ZNF226: variants seen among roughly 807,000 people sequenced by gnomAD.
The protein encoded by ZNF226 is Kruppel-associated box protein.
Under a neutral mutation model 11.4 loss-of-function variants are expected in ZNF226, and 6 were observed. The ratio of observed to expected loss-of-function variants is 0.53; its 90% CI spans 0.29 to 1.04. The LOEUF is 1.04. Ranked by LOEUF, ZNF226 falls within the 50% of genes least tolerant of loss-of-function variation. The pLI is 0.08. For synonymous variants in ZNF226, 350 were observed against 322.8 expected, an observed-to-expected ratio of 1.08 and a Z score of -0.90; for missense variants, 1,058 against 956.5, an observed-to-expected ratio of 1.11 and a Z score of -1.40.
downstream of ZNF226, among the ~76,000 whole-genome samples, chr19:44,182,362 CACACACACACAA>C (rs1304552948): frequency 6.6e-6 from 1 of 152,076 alleles, no homozygotes; most frequent in Non-Finnish European, 1.5e-5. Context: ...TGCATACACA[CACACACACACAA>C]ACACACACAC....
Position 44,176,093 on chromosome 19 carries a change from G to C in ZNF226, c.831G>C (p.Glu277Asp). The C allele has an allele frequency of 6.2e-7, 1 of 1,614,170 alleles. No individual in the cohort carries two copies. The highest frequency in any genetic ancestry group is 8.5e-7 in the Non-Finnish European group (1 of 1,180,032). The change falls in exon 6 of 6, where the codon GAG (glutamate) becomes GAC (aspartate). Residue 277 changes from glutamate to aspartate, a missense_variant. Transcript: ENST00000337433. ...TTCATCAGCAGTTACAATCAGGAGA[G>C]AAGTCTCTTACATGTGTTGAGCGTG... The part of the protein sequence containing the change: ...FDLHQQLQSG[E>D]KSLTCVERGK...
chr19:44,194,507 G>T, the ZNF226 span, among the ~76,000 whole-genome samples: 1 of 152,092 alleles, frequency 6.6e-6, no homozygotes, highest in Non-Finnish European at 1.5e-5. Flanking sequence ...TGGAAGTCCT[G>T]GTTTCATGTA....
downstream of ZNF226, among the ~76,000 whole-genome samples, chr19:44,179,165 G>A (rs1005289209): frequency 6.6e-6 from 1 of 152,120 alleles, no homozygotes; most frequent in Non-Finnish European, 1.5e-5. Flanking sequence ...GGGCGATAGA[G>A]TGAGACTCAG....
chr19:44,179,332 C>T (rs553582344), downstream of ZNF226, among the ~76,000 whole-genome samples: 152 of 151,930 alleles, frequency 1.0e-3, 2 homozygotes, highest in Admixed American at 3.5e-3. Flanking sequence ...AACTGAGCAT[C>T]GGTTTTATAG....
chr19:44,192,810 T>G, the ZNF226 span, among the ~76,000 whole-genome samples: 1 of 152,120 alleles, frequency 6.6e-6, no homozygotes, highest in African/African-American at 2.4e-5. Flanking sequence ...CTCTTGCAGA[T>G]TTTTTTTAAC....
intron 5 of ZNF226, chr19:44,173,811 C>A (rs986592992): frequency 6.6e-6 from 1 of 152,000 alleles, no homozygotes; most frequent in East Asian, 1.9e-4. Flanking sequence ...TACATTCTCT[C>A]CATTTACTCT....
At chr19:44,172,320 T>G (rs1179318107) in intron 4 of ZNF226, 106 bp downstream of exon 4, 1 of 1,447,092 alleles carries the variant, frequency 6.9e-7, no homozygotes, top group African/African-American at 1.4e-5. Context: ...TCCTAATTTT[T>G]GTGGGATGCA....
chr19:44,173,369 A>G (rs1352264245), intron 5 of ZNF226: 1 of 255,234 alleles, frequency 3.9e-6, no homozygotes, highest in African/African-American at 2.2e-5. Flanking sequence ...CTGCCTCACA[A>G]CCCTGTGTGT....
the ZNF226 span, among the ~76,000 whole-genome samples, chr19:44,185,780 A>G: frequency 1.4e-4 from 22 of 152,074 alleles, no homozygotes; most frequent in African/African-American, 5.1e-4. Flanking sequence ...CCATTTGTCT[A>G]TTTTTCTTTC....
intron 5 of ZNF226, chr19:44,175,062 G>A: frequency 6.2e-7 from 1 of 1,609,010 alleles, no homozygotes. Flanking sequence ...AAGAAATGTT[G>A]GAAGTCATTT....
intron 2 of ZNF226, 25 bp from the exon 3 acceptor site, chr19:44,170,010 G>C: frequency 6.5e-7 from 1 of 1,530,314 alleles, no homozygotes. Context: ...ACCCAGTTTT[G>C]ATTTATTTCT....
chr19:44,169,239 T>A (rs1459336472), intron 2 of ZNF226, among the ~76,000 whole-genome samples: 2 of 152,102 alleles, frequency 1.3e-5, no homozygotes, highest in African/African-American at 4.8e-5. Flanking sequence ...AACTCCTGAC[T>A]GTAAGTGATC....
At position 44,172,155 on chromosome 19, in the gene ZNF226, C is replaced by T; in HGVS notation, c.83C>T (p.Ala28Val). Residue 28 changes from alanine (A) to valine (V), a missense_variant, in exon 4 of 6, where the codon GCC (alanine) becomes GTC (valine). Coordinates refer to ENST00000337433, the MANE Select transcript of ZNF226 (RefSeq NM_001032373.2). The part of the protein sequence containing the change: ...TEEELGLLGP[A>V]QRKLYRDVMV... ...GAGGAATTGGGGCTGCTGGGCCCTG[C>T]CCAGAGGAAGCTGTACCGAGATGTG... 1 of 1,613,214 alleles carries T rather than the reference C, an allele frequency of 6.2e-7. No homozygotes were observed. Among genetic ancestry groups the T allele is most frequent in the Non-Finnish European group, 8.5e-7 (1 of 1,179,450 alleles).
chr19:44,183,899 T>C, the ZNF226 span, among the ~76,000 whole-genome samples: 1 of 152,210 alleles, frequency 6.6e-6, no homozygotes, highest in Non-Finnish European at 1.5e-5. Flanking sequence ...ACTTTTAAGG[T>C]CCCAGCTCAG....
the ZNF226 span, among the ~76,000 whole-genome samples, chr19:44,185,047 C>T: frequency 6.6e-6 from 1 of 152,192 alleles, no homozygotes; most frequent in African/African-American, 2.4e-5. Flanking sequence ...GCTTATTTCA[C>T]TTAGCATAAT....
At position 44,170,048 on chromosome 19, in the gene ZNF226, G is replaced by A; in HGVS notation, c.-33G>A. 6.9e-6 allele frequency: 11 copies of A among 1,603,192 alleles called. No individual in the cohort carries two copies. Among genetic ancestry groups the A allele is most frequent in the Non-Finnish European group, 9.4e-6 (11 of 1,174,102 alleles). On this transcript the variant is annotated 5_prime_UTR_variant, in exon 3 of 6. Transcript: ENST00000337433. The stretch of plus-strand genomic sequence containing the variant: ...CTTCTTTCCTAGTTCAGCTTCTTAG[G>A]ACTCTGCACTTCCCCAGAAGGAAGA...
the ZNF226 span, among the ~76,000 whole-genome samples, chr19:44,193,777 A>G: frequency 6.6e-6 from 1 of 152,210 alleles, no homozygotes; most frequent in Admixed American, 6.5e-5. Context: ...ATTCAGCTCT[A>G]AGGAAACAAG....
chr19:44,166,595 G>T (rs1969404089), intron 2 of ZNF226: 1 of 152,184 alleles, frequency 6.6e-6, no homozygotes, highest in South Asian at 2.1e-4. Flanking sequence ...GGAAAACACA[G>T]AAATACATTT....
intron 2 of ZNF226, among the ~76,000 whole-genome samples, chr19:44,169,196 C>G (rs556992399): frequency 3.5e-4 from 53 of 151,798 alleles, no homozygotes; most frequent in Non-Finnish European, 7.4e-4. Context: ...TTAGTAAAGA[C>G]AGGGTTTCAT....
Sources: gnomAD v4.1 joint callset for allele counts (sites outside exome capture counted in the v4.1 genomes callset) on GRCh38, gnomAD v4.1.1 for gene constraint, MANE v1.5 for transcripts, NCBI Gene and HGNC (gene_info 2026-07-23, HGNC 2026-07-21) for gene names.